Variants in PPP4C observed in about 807,000 individuals in gnomAD.
PPP4C encodes serine/threonine-protein phosphatase 4 catalytic subunit.
In PPP4C, 10 loss-of-function variants were observed where a neutral mutation model predicts 40.5. The ratio of observed to expected loss-of-function variants is 0.25; its 90% confidence interval spans 0.15 to 0.42. The LOEUF (loss-of-function observed/expected upper bound fraction) is 0.42, where lower values mean the gene tolerates loss of function less well. PPP4C is among the 10% of genes least tolerant of loss of function. PPP4C has a pLI of 1.00. For missense variants in PPP4C, 191 were observed against 416.4 expected (o/e 0.46, Z 4.71); for synonymous variants, 187 against 163.6 (o/e 1.14, Z -1.09).
rs752606826 is a variant in PPP4C, at chr16:30,083,409, C to T, written c.319C>T (p.Arg107Cys). 8.1e-6 allele frequency: 13 copies of T among 1,612,892 alleles called. No homozygotes were observed. Among genetic ancestry groups the T allele is most frequent in the African/African-American group, 6.7e-5 (5 of 74,906 alleles). ...CCACCCCCAGGTTCGCTATCCTGAT[C>T]GCATCACACTGATCCGGGGCAACCA... Reference protein sequence around the residue: ...LLALKVRYPDRITLIRGNHES... With the variant: ...LLALKVRYPDCITLIRGNHES... Residue 107 changes from arginine to cysteine, a missense_variant, in exon 6 of 9, where the codon CGC (arginine) becomes TGC (cysteine). Around this residue, in one of 3 missense-constraint regions of PPP4C, gnomAD observed 171 missense variants for 352.4 expected, o/e 0.49. Transcript: ENST00000279387. The surrounding 1 kb of genome is among the most constrained non-coding windows in gnomAD (Gnocchi z 6.3).
At chr16:30,082,657 G>T in intron 4 of PPP4C, 89 bp from the exon 5 acceptor site, 1 of 1,527,982 alleles carries the variant, frequency 6.5e-7, no homozygotes, top group Non-Finnish European at 9.0e-7. Flanking sequence ...TTAGATGGGT[G>T]GTTGTGGAAG....
chr16:30,076,578 C>T (rs1389863098), intron 2 of PPP4C, 103 bp downstream of exon 2: 1 of 1,220,242 alleles, frequency 8.2e-7, no homozygotes, highest in Non-Finnish European at 1.2e-6. Flanking sequence ...GTTCTGGAAG[C>T]TTTCCCAGAG....
In PPP4C at chr16:30,083,267, C is replaced by T; in HGVS notation, c.304-127C>T. 9.0e-7 allele frequency: 1 copy of T among 1,111,644 alleles called. No homozygotes were observed. Among genetic ancestry groups the T allele is most frequent in the Non-Finnish European group, 1.3e-6 (1 of 768,940 alleles). The allele number at this position is 1,111,644 out of a possible 1,614,324, so 68.9% of individuals were successfully genotyped here. ...GGTGGCTGATGCCACACGATTCAGG[C>T]AAGAGGTGCCAGGAGTGTGCTGGGC... On this transcript the variant is annotated intron_variant, in intron 5 of 8. Coordinates refer to ENST00000279387, the MANE Select transcript of PPP4C (RefSeq NM_002720.3). This position sits in a 1 kb window ranked among gnomAD's most constrained non-coding sequence, Gnocchi z 6.3.
intron 2 of PPP4C, among the ~76,000 whole-genome samples, chr16:30,080,301 C>T (rs1347599447): frequency 5.6e-5 from 8 of 142,060 alleles, no homozygotes; most frequent in African/African-American, 2.1e-4. Flanking sequence ...GCAAAGATGG[C>T]GCCACTGCAC....
Position 30,085,154 on chromosome 16 carries a change from G to GT in PPP4C, c.*92_*93insT, listed in dbSNP as rs397819508. On this transcript the variant is annotated 3_prime_UTR_variant, in exon 9 of 9. Coordinates refer to ENST00000279387, the MANE Select transcript of PPP4C (RefSeq NM_002720.3). ...TCAGACGGAGGCTGGGCGTGGGGGGGGCTGTCCTGGCTCTGCTGTCCCCCA... is the reference window on the plus strand; with the variant it reads ...TCAGACGGAGGCTGGGCGTGGGGGGGTGCTGTCCTGGCTCTGCTGTCCCCCA... The GT allele has an allele frequency of 3.5e-5, 53 of 1,494,228 alleles. No homozygotes were observed. The highest frequency in any genetic ancestry group is 6.1e-5 in the South Asian group (5 of 81,438). 92.6% of individuals were successfully genotyped at this position (1,494,228 alleles called of 1,614,324 possible).
At chr16:30,081,368 C>T (rs763978158) in intron 3 of PPP4C, 58 bp downstream of exon 3, 105 of 1,455,342 alleles carry the variant, frequency 7.2e-5, no homozygotes, top group Non-Finnish European at 9.8e-5. Context: ...ATGAAGTTTC[C>T]TCTTCATCTT....
chr16:30,083,081 G>T lies in PPP4C; in HGVS notation c.303+234G>T. On this transcript the variant is annotated intron_variant, in intron 5 of 8. Transcript: ENST00000279387. This position sits in a 1 kb window ranked among gnomAD's most constrained non-coding sequence, Gnocchi z 6.3. ...GTTGCGAATGTGGCAGGTCATTGAT[G>T]CCACTGGTGGGAGAGGCAGTGTGGG... 2 of 589,230 alleles carry T rather than the reference G, an allele frequency of 3.4e-6. No individual in the cohort carries two copies. Among genetic ancestry groups the T allele is most frequent in the Non-Finnish European group, 6.0e-6 (2 of 333,176 alleles). 36.5% of individuals were successfully genotyped at this position (589,230 alleles called of 1,614,324 possible).
chr16:30,076,289 C>T, intron 1 of PPP4C, 26 bp from the exon 2 acceptor site: 1 of 1,348,568 alleles, frequency 7.4e-7, no homozygotes, highest in East Asian at 2.5e-5. Context: ...GACACTGATC[C>T]GCGGGCTCGT....
rs760663196 is a variant in PPP4C at position 30,085,103 on chromosome 16, G to C, written c.*41G>C. 4.4e-6 allele frequency: 7 copies of C among 1,601,616 alleles called. No individual in the cohort carries two copies. The South Asian group carries it at 6.7e-5, about 15-fold the overall frequency. ...GCCCCCTCCAACCCTTCTGGCCCTCGCACCACTGTGACTCTGCCATCTTCC... is the reference window on the plus strand; with the variant it reads ...GCCCCCTCCAACCCTTCTGGCCCTCCCACCACTGTGACTCTGCCATCTTCC... On this transcript the variant is annotated 3_prime_UTR_variant, in exon 9 of 9. Coordinates refer to ENST00000279387, the MANE Select transcript of PPP4C (RefSeq NM_002720.3).
rs1248411870 is a variant in PPP4C, at chr16:30,085,035, G to A, written c.897G>A (p.Lys299=). 1 of 1,614,094 alleles carries A rather than the reference G, an allele frequency of 6.2e-7. No individual in the cohort carries two copies. Among genetic ancestry groups the A allele is most frequent in the Admixed American group, 1.7e-5 (1 of 60,028 alleles). ...AAGAGACACGGGGCATCCCCTCCAA[G>A]AAGCCCGTGGCCGACTACTTCCTGT... The part of the protein sequence containing the change: ...APQETRGIPS[K]KPVADYFL Residue 299 remains lysine (K), a synonymous_variant, in exon 9 of 9, where the codon AAG becomes AAA. Coordinates refer to ENST00000279387, the MANE Select transcript of PPP4C (RefSeq NM_002720.3).
At chr16:30,079,451 G>T (rs529144146) in intron 2 of PPP4C, among the ~76,000 whole-genome samples, 49 of 152,232 alleles carry the variant, frequency 3.2e-4, no homozygotes, top group African/African-American at 1.2e-3. Context: ...GCTTCCCAAA[G>T]TGCTGGGATT....
rs1450060526 is a variant in PPP4C, at chr16:30,083,319, G to A, written c.304-75G>A. On this transcript the variant is annotated intron_variant, in intron 5 of 8. Transcript: ENST00000279387. This position sits in a 1 kb window ranked among gnomAD's most constrained non-coding sequence, Gnocchi z 6.3. ...GTGGTTGTGAGGATGGCAGGCTGGC[G>A]GGCACGAGGAGGTCAGAGAGGGATG... 4.7e-6 allele frequency: 7 copies of A among 1,500,966 alleles called. No individual in the cohort carries two copies. Among genetic ancestry groups the A allele is most frequent in the East Asian group, 4.5e-5 (2 of 43,964 alleles). 93.0% of individuals were successfully genotyped at this position (1,500,966 alleles called of 1,614,324 possible).
rs1040393441 is a variant in PPP4C, at chr16:30,080,325, A to G, written c.99-934A>G. On this transcript the variant is annotated intron_variant, in intron 2 of 8. Transcript: ENST00000279387. ...GCGCCACTGCACTCCAGACTGGGCA[A>G]TGGAGCCAGACTCTGTCTCAAAAAA... is the stretch of plus-strand genomic sequence containing the variant. 9.3e-4 allele frequency among the ~76,000 whole-genome samples: 133 copies of G among 142,940 alleles called. 1 individual carries two copies. The highest frequency in any genetic ancestry group is 3.7e-4 in the Non-Finnish European group (24 of 65,732). 93.8% of individuals were successfully genotyped at this position (142,940 alleles called of 152,430 possible). A position where few individuals can be genotyped will look rare whatever the true frequency, so the allele number is the denominator to read the frequency against.
chr16:30,081,339 G>C, intron 3 of PPP4C, 29 bp downstream of exon 3: 1 of 1,591,838 alleles, frequency 6.3e-7, no homozygotes, highest in South Asian at 1.1e-5. Context: ...TGCAGAGCCA[G>C]GCCTGGTCTT....
In PPP4C at chr16:30,081,301, G is replaced by T; in HGVS notation, c.141G>T (p.Ser47=). 4 of 1,613,306 alleles carry T rather than the reference G, an allele frequency of 2.5e-6. No homozygotes were observed. Among genetic ancestry groups the T allele is most frequent in the Non-Finnish European group, 3.4e-6 (4 of 1,179,586 alleles). The stretch of plus-strand genomic sequence containing the variant: ...AGAGCAACGTGCAGAGGGTGGACTC[G>T]CCAGTCACAGTGAGTACCTGCTGTC... ...VEESNVQRVD[S]PVTVCGDIHG... is the part of the protein sequence containing the mutation. The change falls in exon 3 of 9, where the codon TCG becomes TCT. Residue 47 remains serine, a synonymous_variant. Transcript: ENST00000279387.
At chr16:30,079,025 G>A (rs541370921) in intron 2 of PPP4C, among the ~76,000 whole-genome samples, 236 of 152,170 alleles carry the variant, frequency 1.6e-3, no homozygotes, top group African/African-American at 5.5e-3. Flanking sequence ...CAGAGAGCAC[G>A]GGCCCTGCAT....
At chr16:30,084,270 CACAGCCACACACAT>C (rs1203058670) in intron 7 of PPP4C, among the ~76,000 whole-genome samples, 1 of 150,840 alleles carries the variant, frequency 6.6e-6, no homozygotes, top group Non-Finnish European at 1.5e-5. Flanking sequence ...TCTGCTCCAT[CACAGCCACACACAT>C]ACAGACACAC....
At chr16:30,080,431 C>T (rs182320098) in intron 2 of PPP4C, among the ~76,000 whole-genome samples, 154 of 150,656 alleles carry the variant, frequency 1.0e-3, no homozygotes, top group African/African-American at 3.6e-3. Context: ...GTAGACTGCA[C>T]TGCAAGGAGA....
At position 30,083,245 on chromosome 16, in the gene PPP4C, G is replaced by C; in HGVS notation, c.304-149G>C. 1 of 889,880 alleles carries C rather than the reference G, an allele frequency of 1.1e-6. No individual in the cohort carries two copies. The highest frequency in any genetic ancestry group is 1.7e-6 in the Non-Finnish European group (1 of 572,052). 55.1% of individuals were successfully genotyped at this position (889,880 alleles called of 1,614,324 possible). ...GAGGGGTCGTGTGGGCCTGGGAGGT[G>C]GCTGATGCCACACGATTCAGGCAAG... On this transcript the variant is annotated intron_variant, in intron 5 of 8. Coordinates refer to ENST00000279387, the MANE Select transcript of PPP4C (RefSeq NM_002720.3). The surrounding 1 kb of genome is among the most constrained non-coding windows in gnomAD (Gnocchi z 6.3).
Sources: allele counts gnomAD v4.1 joint callset (sites outside exome capture counted in the v4.1 genomes callset), GRCh38; gene constraint gnomAD v4.1.1; regional missense constraint gnomAD v4.1.1; non-coding constraint Gnocchi (gnomAD v3.1); transcripts MANE v1.5; gene names NCBI Gene and HGNC (gene_info 2026-07-23, HGNC 2026-07-21).